The following VCPIP1 variants were observed in gnomAD, a reference collection of about 807,000 sequenced individuals.
VCPIP1 encodes the protein valosin containing protein interacting protein 1.
In VCPIP1, 8 loss-of-function variants were observed where a neutral mutation model predicts 85.0. The ratio of observed to expected loss-of-function variants is 0.09; its 90% CI spans 0.06 to 0.17. The LOEUF is 0.17. VCPIP1 is among the 10% of genes least tolerant of loss of function. The pLI, the probability that VCPIP1 is intolerant of heterozygous loss-of-function variation, is 1.00. For missense variants in VCPIP1, 1,070 were observed against 1,486.3 expected (o/e 0.72, Z 4.61); for synonymous variants, 543 against 544.5 (o/e 1.00, Z 0.04).
chr8:66,644,580 G>A (rs554153258), intron 2 of VCPIP1, among the ~76,000 whole-genome samples: 3 of 152,234 alleles, frequency 2.0e-5, no homozygotes, highest in East Asian at 1.9e-4. Context: ...AAACCTGCAA[G>A]CTGAATGCTT....
At chr8:66,658,492 CTTT>C (rs200064471) in intron 1 of VCPIP1, among the ~76,000 whole-genome samples, 2 of 151,364 alleles carry the variant, frequency 1.3e-5, no homozygotes, top group African/African-American at 4.9e-5. Flanking sequence ...CTGGAAAATT[CTTT>C]TTTTCTTTTT....
chr8:66,662,421 T>G (rs1342593010), intron 1 of VCPIP1, among the ~76,000 whole-genome samples: 1 of 152,210 alleles, frequency 6.6e-6, no homozygotes, highest in Non-Finnish European at 1.5e-5. Flanking sequence ...TTTCACTTTT[T>G]TCAATGTTCA....
At chr8:66,641,168 C>T (rs12677937) in intron 2 of VCPIP1, among the ~76,000 whole-genome samples, 9,964 of 152,122 alleles carry the variant, frequency 0.066, 454 homozygotes, top group South Asian at 0.14. Flanking sequence ...TTGAGAGCTG[C>T]GGGCTAAGTA....
intron 1 of VCPIP1, among the ~76,000 whole-genome samples, chr8:66,661,606 C>T (rs1205356894): frequency 6.6e-6 from 1 of 151,470 alleles, no homozygotes; most frequent in Non-Finnish European, 1.5e-5. Flanking sequence ...TGTGGTGGCA[C>T]ATGCCTGTAA....
chr8:66,664,714 T>C lies in VCPIP1; in HGVS notation c.2245A>G (p.Ser749Gly). The change falls in exon 1 of 3, where the codon AGT (serine) becomes GGT (glycine). Residue 749 changes from serine (S) to glycine (G), a missense_variant. Transcript: ENST00000310421. ...QKGQPRTVSP[S>G]TIRDGPSSAP... ...GAGGATGGACCATCACGAATGGTAC[T>C]GGGAGAAACAGTCCTGGGTTGCCCT... 4 of 1,613,896 alleles carry C rather than the reference T, an allele frequency of 2.5e-6. No individual in the cohort carries two copies. Among genetic ancestry groups the C allele is most frequent in the Non-Finnish European group, 3.4e-6 (4 of 1,179,934 alleles).
intron 2 of VCPIP1, among the ~76,000 whole-genome samples, chr8:66,645,643 C>A (rs1345662127): frequency 6.6e-6 from 1 of 150,712 alleles, no homozygotes; most frequent in East Asian, 2.0e-4. Flanking sequence ...CATTTTTGGT[C>A]AGGCACAGTG....
intron 2 of VCPIP1, among the ~76,000 whole-genome samples, chr8:66,639,437 C>A (rs182075646): frequency 2.2e-4 from 33 of 147,572 alleles, no homozygotes; most frequent in Non-Finnish European, 4.2e-4. Flanking sequence ...TCACTGCAGC[C>A]TCCTCCTCCC....
chr8:66,648,636 C>T (rs1811021194), intron 2 of VCPIP1, among the ~76,000 whole-genome samples: 1 of 152,068 alleles, frequency 6.6e-6, no homozygotes, highest in African/African-American at 2.4e-5. Flanking sequence ...CTCACTACTA[C>T]CTCCACCTCC....
At chr8:66,641,277 T>C (rs1052638383) in intron 2 of VCPIP1, among the ~76,000 whole-genome samples, 1 of 152,196 alleles carries the variant, frequency 6.6e-6, no homozygotes, top group African/African-American at 2.4e-5. Flanking sequence ...ATACCACATG[T>C]AACATTCTAG....
At chr8:66,648,723 T>A (rs912076249) in intron 2 of VCPIP1, among the ~76,000 whole-genome samples, 1 of 152,028 alleles carries the variant, frequency 6.6e-6, no homozygotes, top group Non-Finnish European at 1.5e-5. Context: ...CCCGGCTAAT[T>A]TTTTTGTATT....
intron 2 of VCPIP1, among the ~76,000 whole-genome samples, chr8:66,651,185 C>CAAAAAA (rs896750189): frequency 7.8e-5 from 4 of 51,138 alleles, no homozygotes; most frequent in African/African-American, 1.6e-4. Context: ...AATTCCATCT[C>CAAAAAA]AAAAAAAAAA....
Position 66,665,360 on chromosome 8 carries a change from A to G in VCPIP1, c.1599T>C (p.Ser533=). The change falls in exon 1 of 3, where the codon AGT becomes AGC. Residue 533 remains serine (S), a synonymous_variant. Transcript: ENST00000310421. This position sits in a 1 kb window ranked among gnomAD's most constrained non-coding sequence, Gnocchi z 4.3. Reference sequence around the variant, plus strand: ...GGCACCAATTACAAGCTGTTAGGTTACTCATTCCATAGTCTGGTACCAGAA... The same window carrying G: ...GGCACCAATTACAAGCTGTTAGGTTGCTCATTCCATAGTCTGGTACCAGAA... The part of the protein sequence containing the change: ...KDVLVPDYGM[S]NLTACNWCHG... 2 of 1,614,152 alleles carry G rather than the reference A, an allele frequency of 1.2e-6. No homozygotes were observed. The highest frequency in any genetic ancestry group is 1.7e-6 in the Non-Finnish European group (2 of 1,180,010).
Position 66,666,819 on chromosome 8 carries a change from C to G in VCPIP1, c.140G>C (p.Gly47Ala). ...LKRRDRRILS[G>A]SCPDPKCQAR... ...CTGACACTTCGGATCCGGGCAGCTC[C>G]CGGAAAGGATTCTCCGGTCTCTCCG... The change falls in exon 1 of 3, where the codon GGG becomes GCG. Residue 47 changes from glycine to alanine, a missense_variant. By Grantham distance (60) the Gly-to-Ala change is moderately conservative (BLOSUM62 0). This residue lies in a region of VCPIP1 where 164 missense variants were observed against 158.6 expected (regional missense o/e 1.03). Coordinates refer to ENST00000310421, the MANE Select transcript of VCPIP1 (RefSeq NM_025054.5). The surrounding 1 kb of genome is among the most constrained non-coding windows in gnomAD (Gnocchi z 6.3). The G allele has an allele frequency of 6.2e-7, 1 of 1,613,950 alleles. No homozygotes were observed. The highest frequency in any genetic ancestry group is 1.7e-4 in the Middle Eastern group (1 of 6,060).
chr8:66,659,756 C>A (rs1366695631), intron 1 of VCPIP1, among the ~76,000 whole-genome samples: 1 of 151,944 alleles, frequency 6.6e-6, no homozygotes, highest in African/African-American at 2.4e-5. Flanking sequence ...CGTGGCGAAA[C>A]CCCATCTCTA....
intron 2 of VCPIP1, among the ~76,000 whole-genome samples, chr8:66,641,877 G>C (rs1165635248): frequency 6.6e-6 from 1 of 152,206 alleles, no homozygotes; most frequent in Non-Finnish European, 1.5e-5. Context: ...TTTAGGCTAT[G>C]ATGAATAATG....
rs1382113305 is a variant in VCPIP1 at position 66,631,666 on chromosome 8, AG to A, written c.*2834del. ...AAAAACCAAACTAAAAATCACTGGA[AG>A]ACACAGAGCCAGTATCAGTCAATAG... is the stretch of plus-strand genomic sequence containing the variant. On this transcript the variant is annotated 3_prime_UTR_variant, in exon 3 of 3. Coordinates refer to ENST00000310421, the MANE Select transcript of VCPIP1 (RefSeq NM_025054.5). 6.5e-6 allele frequency: 1 copy of A among 154,072 alleles called. No individual in the cohort carries two copies. The highest frequency in any genetic ancestry group is 1.5e-5 in the Non-Finnish European group (1 of 67,986). 9.5% of individuals were successfully genotyped at this position (154,072 alleles called of 1,614,324 possible). A position where few individuals can be genotyped will look rare whatever the true frequency, so the allele number is the denominator to read the frequency against.
At position 66,651,185 on chromosome 8, in the gene VCPIP1, C is replaced by CAA. The variant is rs896750189; in HGVS notation, c.2797+271_2797+272dup. ...GGGCAACAAGAACGAAATTCCATCTCAAAAAAAAAAAAAAAAAAAGAATCA... is the reference window on the plus strand; with the variant it reads ...GGGCAACAAGAACGAAATTCCATCTCAAAAAAAAAAAAAAAAAAAAAGAATCA... On this transcript the variant is annotated intron_variant, in intron 2 of 2. Coordinates refer to ENST00000310421, the MANE Select transcript of VCPIP1 (RefSeq NM_025054.5). 8.8e-3 allele frequency among the ~76,000 whole-genome samples: 451 copies of CAA among 51,086 alleles called. 5 individuals are homozygous for CAA. Among genetic ancestry groups the CAA allele is most frequent in the African/African-American group, 0.022 (410 of 18,732 alleles). 33.5% of individuals were successfully genotyped at this position (51,086 alleles called of 152,430 possible).
At chr8:66,647,411 A>G (rs1254109529) in intron 2 of VCPIP1, among the ~76,000 whole-genome samples, 1 of 151,768 alleles carries the variant, frequency 6.6e-6, no homozygotes, top group East Asian at 1.9e-4. Flanking sequence ...ATATGGATAA[A>G]CAAAGGACTC....
rs1811187088 is a variant in VCPIP1 at position 66,664,465 on chromosome 8, C to T, written c.2494G>A (p.Gly832Arg). The change falls in exon 1 of 3, where the codon GGA (glycine) becomes AGA (arginine). Residue 832 changes from glycine (G) to arginine (R), a missense_variant. Around this residue, in one of 8 missense-constraint regions of VCPIP1, gnomAD observed 278 missense variants for 298.5 expected, o/e 0.93. Transcript: ENST00000310421. ...PPKELMPPQA[G>R]MEKEPVPLQH... ...AAAGGAACTGGTTCCTTTTCCATTCCTGCCTGTGGTGGCATTAACTCTTTA... is the reference window on the plus strand; with the variant it reads ...AAAGGAACTGGTTCCTTTTCCATTCTTGCCTGTGGTGGCATTAACTCTTTA... The T allele has an allele frequency of 6.2e-7, 1 of 1,613,800 alleles. No homozygotes were observed. The highest frequency in any genetic ancestry group is 1.1e-5 in the South Asian group (1 of 91,070).
Sources: allele counts gnomAD v4.1 joint callset (sites outside exome capture counted in the v4.1 genomes callset), GRCh38; gene constraint gnomAD v4.1.1; regional missense constraint gnomAD v4.1.1; non-coding constraint Gnocchi (gnomAD v3.1); transcripts MANE v1.5; gene names NCBI Gene and HGNC (gene_info 2026-07-23, HGNC 2026-07-21).